The following LYST variants were observed in gnomAD, a reference collection of about 807,000 sequenced individuals.
The protein encoded by LYST is lysosomal trafficking regulator, also known as lysosomal-trafficking regulator.
In LYST, 192 loss-of-function variants were observed where a neutral mutation model predicts 413.6. The observed-to-expected ratio is 0.46, with a 90% CI of 0.41 to 0.52. LYST has a LOEUF of 0.52. Among genes scored for constraint, LYST ranks in the 20% least tolerant of loss-of-function variants. The pLI, the probability that LYST is intolerant of heterozygous loss-of-function variation, is 0.00. For missense variants in LYST, 3,815 were observed against 4,499.9 expected (o/e 0.85, Z 4.35); for synonymous variants, 1,525 against 1,567.3 (o/e 0.97, Z 0.64).
Position 235,693,373 on chromosome 1 carries a change from T to C in LYST, c.10678A>G (p.Ile3560Val). ...ACCTGGTACTGTTGTGAACTTTGAA[T>C]AAAGTTTACTGGAGGCTCACTTTGT... ...SKQSEPPVNF[I>V]QSSQQYQVTS... The change falls in exon 47 of 53, where the codon ATT becomes GTT. Residue 3560 changes from isoleucine (I) to valine (V), a missense_variant. Ile to Val is a conservative substitution (Grantham distance 29). This residue lies in a region of LYST where 866 missense variants were observed against 1,156.0 expected (regional missense o/e 0.75). Transcript: ENST00000389793. The C allele has an allele frequency of 6.2e-7, 1 of 1,611,630 alleles. No homozygotes were observed. Among genetic ancestry groups the C allele is most frequent in the Non-Finnish European group, 8.5e-7 (1 of 1,177,724 alleles).
intron 21 of LYST, among the ~76,000 whole-genome samples, chr1:235,763,057 T>A (rs924959981): frequency 5.9e-5 from 9 of 152,210 alleles, no homozygotes; most frequent in Admixed American, 3.3e-4. Context: ...TTGTTTATTA[T>A]TTCTGGCCAC....
intron 1 of LYST, among the ~76,000 whole-genome samples, chr1:235,850,241 TC>T (rs1409869371): frequency 2.6e-5 from 4 of 152,296 alleles, no homozygotes; most frequent in African/African-American, 9.6e-5. Context: ...AGCCAACTGA[TC>T]TTTGACAAAG....
intron 38 of LYST, among the ~76,000 whole-genome samples, chr1:235,727,124 C>CTT (rs763736405): frequency 8.6e-4 from 116 of 135,102 alleles, no homozygotes; most frequent in African/African-American, 1.4e-3. Context: ...TTCTTTCTTT[C>CTT]TTTTTTTTTT....
chr1:235,831,793 TTA>T (rs1313458372), intron 2 of LYST, among the ~76,000 whole-genome samples: 3 of 152,192 alleles, frequency 2.0e-5, no homozygotes, highest in African/African-American at 7.2e-5. Context: ...TATTGGTTCT[TTA>T]TATGCTTTCA....
At chr1:235,718,051 A>T (rs1474287936) in intron 40 of LYST, among the ~76,000 whole-genome samples, 2 of 151,950 alleles carry the variant, frequency 1.3e-5, no homozygotes, top group African/African-American at 4.8e-5. Context: ...TTTATTAGAG[A>T]TGGGGTTTCT....
chr1:235,820,226 A>C (rs1019799791), intron 3 of LYST, among the ~76,000 whole-genome samples: 12 of 152,210 alleles, frequency 7.9e-5, no homozygotes, highest in Non-Finnish European at 1.3e-4. Flanking sequence ...AAGGGCTGAG[A>C]TCACAAACCG....
At chr1:235,842,245 T>C (rs1677301983) in intron 1 of LYST, among the ~76,000 whole-genome samples, 1 of 151,826 alleles carries the variant, frequency 6.6e-6, no homozygotes, top group African/African-American at 2.4e-5. Flanking sequence ...AAAATAAATG[T>C]TGATAGACAA....
intron 48 of LYST, among the ~76,000 whole-genome samples, chr1:235,679,155 A>C (rs914814059): frequency 3.9e-5 from 6 of 152,222 alleles, no homozygotes; most frequent in African/African-American, 1.4e-4. Context: ...CCTTCACCTG[A>C]AAACAATCAC....
intron 3 of LYST, 140 bp downstream of exon 3, chr1:235,830,086 C>T (rs1385965414): frequency 3.1e-6 from 2 of 649,286 alleles, no homozygotes; most frequent in African/African-American, 3.7e-5. Context: ...ATAAATAGGT[C>T]CACTTTTTTT....
chr1:235,725,352 T>C (rs1031186806), intron 38 of LYST, among the ~76,000 whole-genome samples: 1 of 152,020 alleles, frequency 6.6e-6, no homozygotes, highest in South Asian at 2.1e-4. Flanking sequence ...GAGAATCACC[T>C]GAACCCAGGA....
At chr1:235,775,461 T>C (rs1669138831) in intron 17 of LYST, among the ~76,000 whole-genome samples, 1 of 152,202 alleles carries the variant, frequency 6.6e-6, no homozygotes, top group African/African-American at 2.4e-5. Flanking sequence ...TGGGGTCTAC[T>C]GTCCTGTCAA....
intron 3 of LYST, among the ~76,000 whole-genome samples, chr1:235,821,418 C>CA (rs1674738708): frequency 6.6e-6 from 1 of 151,994 alleles, no homozygotes; most frequent in Non-Finnish European, 1.5e-5. Flanking sequence ...GCCTGCATGA[C>CA]AGAGTCTTTT....
chr1:235,855,580 C>T (rs1679073250), intron 1 of LYST, among the ~76,000 whole-genome samples: 1 of 152,046 alleles, frequency 6.6e-6, no homozygotes, highest in Non-Finnish European at 1.5e-5. Flanking sequence ...TTTTCCATAC[C>T]TCCTGAGGAA....
chr1:235,829,477 A>G (rs1036898353), intron 3 of LYST: 1 of 152,194 alleles, frequency 6.6e-6, no homozygotes, highest in Non-Finnish European at 1.5e-5. Context: ...TATTTTTTCA[A>G]CTAACTATAT....
intron 3 of LYST, chr1:235,830,020 T>C: frequency 1.8e-6 from 1 of 552,582 alleles, no homozygotes. Flanking sequence ...CTTAGGCAAT[T>C]CATAATTCTA....
intron 40 of LYST, among the ~76,000 whole-genome samples, chr1:235,719,824 T>C (rs1386652333): frequency 6.6e-6 from 1 of 151,856 alleles, no homozygotes; most frequent in Non-Finnish European, 1.5e-5. Flanking sequence ...AAAGAATAAG[T>C]GACCTGGTTT....
At chr1:235,738,635 G>A in intron 31 of LYST, 1 of 1,608,014 alleles carries the variant, frequency 6.2e-7, no homozygotes, top group South Asian at 1.1e-5. Flanking sequence ...TCTCCCTCAA[G>A]ACTCTGCACC....
intron 3 of LYST, 69 bp from the exon 4 acceptor site, chr1:235,813,130 C>T: frequency 8.6e-6 from 8 of 928,418 alleles, no homozygotes; most frequent in Non-Finnish European, 1.2e-5. Flanking sequence ...AATGTCTTGT[C>T]TTAAACTGAA....
At chr1:235,737,916 A>AATGAAGTG in intron 31 of LYST, 35 of 1,163,398 alleles carry the variant, frequency 3.0e-5, no homozygotes, top group South Asian at 2.7e-4. Context: ...GCTGCCGACG[A>AATGAAGTG]GTCTGGATCT....
Sources: gnomAD v4.1 joint callset for allele counts (sites outside exome capture counted in the v4.1 genomes callset) on GRCh38, gnomAD v4.1.1 for gene constraint, gnomAD v4.1.1 regional missense constraint, MANE v1.5 for transcripts, NCBI Gene and HGNC (gene_info 2026-07-23, HGNC 2026-07-21) for gene names.